The following GALNT3 variants were observed in gnomAD, a reference collection of about 807,000 sequenced individuals.
The protein encoded by GALNT3 is GalNAc transferase 3.
A neutral mutation model predicts 69.8 loss-of-function variants in GALNT3; 51 were observed. The ratio of observed to expected loss-of-function variants is 0.73; its 90% confidence interval spans 0.58 to 0.92. GALNT3 has a LOEUF of 0.92. Ranked by LOEUF, GALNT3 falls within the 40% of genes least tolerant of loss-of-function variation. The probability of loss-of-function intolerance (pLI) is 0.00; values close to 1 mark genes in which losing one functional copy is unlikely to be tolerated. For synonymous variants in GALNT3, 265 were observed against 248.5 expected (o/e 1.07, Z -0.63); for missense variants, 711 against 760.0 (o/e 0.94, Z 0.76).
intron 7 of GALNT3, 110 bp downstream of exon 7, chr2:165,756,937 A>G: frequency 1.2e-6 from 1 of 836,312 alleles, no homozygotes; most frequent in Non-Finnish European, 2.0e-6. Flanking sequence ...AAGAGTTAAA[A>G]ACCTACTTTC....
At chr2:165,781,428 C>T (rs1574015336) in intron 1 of GALNT3, among the ~76,000 whole-genome samples, 3 of 151,580 alleles carry the variant, frequency 2.0e-5, no homozygotes, top group African/African-American at 7.3e-5. Flanking sequence ...AACCCCATCT[C>T]CACAAAAAAA....
chr2:165,759,201 T>C, intron 5 of GALNT3, 135 bp downstream of exon 5: 1 of 767,640 alleles, frequency 1.3e-6, no homozygotes, highest in South Asian at 1.6e-5. Flanking sequence ...GAATGACTTT[T>C]AGATTCTCTT....
chr2:165,782,964 C>T (rs1683143619), intron 1 of GALNT3, among the ~76,000 whole-genome samples: 1 of 152,140 alleles, frequency 6.6e-6, no homozygotes, highest in Admixed American at 6.5e-5. Flanking sequence ...CATTAGCTAC[C>T]ACTAGGCATA....
rs79759431 is a variant in GALNT3, at chr2:165,777,399, C to T, written c.-108-6591G>A. On this transcript the variant is annotated intron_variant, in intron 1 of 10. Coordinates refer to ENST00000392701, the MANE Select transcript of GALNT3 (RefSeq NM_004482.4). ...ATCTTTGCCACACATTATCTATCATCTGTATTTCCTAATTGAATTCAAAAC... is the reference window on the plus strand; with the variant it reads ...ATCTTTGCCACACATTATCTATCATTTGTATTTCCTAATTGAATTCAAAAC... Among the ~76,000 whole-genome samples, 885 of 152,298 alleles carry T rather than the reference C, an allele frequency of 5.8e-3. 6 individuals carry two copies. Among genetic ancestry groups the T allele is most frequent in the African/African-American group, 0.021 (855 of 41,566 alleles).
At chr2:165,767,755 T>A (rs947330992) in intron 2 of GALNT3, among the ~76,000 whole-genome samples, 1 of 152,104 alleles carries the variant, frequency 6.6e-6, no homozygotes, top group Non-Finnish European at 1.5e-5. Flanking sequence ...CACATGACCA[T>A]CTGGCTTTGG....
In GALNT3 at chr2:165,770,777, T is replaced by C. The variant is rs1303265361; in HGVS notation, c.-77A>G. ...TTACTTATATTTTTTATCATAGATTTGCTGAGAAGAAGGTATCTTTAATGG... is the reference window on the plus strand; with the variant it reads ...TTACTTATATTTTTTATCATAGATTCGCTGAGAAGAAGGTATCTTTAATGG... On this transcript the variant is annotated 5_prime_UTR_variant, in exon 2 of 11. Coordinates refer to ENST00000392701, the MANE Select transcript of GALNT3 (RefSeq NM_004482.4). 1.3e-6 allele frequency: 2 copies of C among 1,519,110 alleles called. No homozygotes were observed. Among genetic ancestry groups the C allele is most frequent in the Non-Finnish European group, 1.8e-6 (2 of 1,120,110 alleles). The allele number at this position is 1,519,110 out of a possible 1,614,324, so 94.1% of individuals were successfully genotyped here. A position where few individuals can be genotyped will look rare whatever the true frequency, so the allele number is the denominator to read the frequency against.
At chr2:165,756,261 G>A (rs1423071906) in intron 7 of GALNT3, among the ~76,000 whole-genome samples, 2 of 152,086 alleles carry the variant, frequency 1.3e-5, no homozygotes, top group African/African-American at 4.8e-5. Context: ...ACAAAGAGAT[G>A]AGTACTATAC....
intron 1 of GALNT3, among the ~76,000 whole-genome samples, chr2:165,776,031 G>A (rs756490889): frequency 1.3e-5 from 2 of 152,166 alleles, no homozygotes; most frequent in Admixed American, 6.5e-5. Flanking sequence ...TGATATAAAT[G>A]AGGCACTGAG....
chr2:165,791,262 T>C (rs1683341802), intron 1 of GALNT3, among the ~76,000 whole-genome samples: 3 of 151,692 alleles, frequency 2.0e-5, no homozygotes. Context: ...TGCCTGTGTG[T>C]GTGTGTGTGT....
chr2:165,788,314 C>T (rs1318263803), intron 1 of GALNT3, among the ~76,000 whole-genome samples: 1 of 124,730 alleles, frequency 8.0e-6, no homozygotes, highest in African/African-American at 3.2e-5. Context: ...AAGACATCAC[C>T]TCAAAAAAAA....
intron 1 of GALNT3, among the ~76,000 whole-genome samples, chr2:165,773,200 T>A (rs1026361484): frequency 6.6e-6 from 1 of 152,156 alleles, no homozygotes; most frequent in Admixed American, 6.5e-5. Context: ...CAGGGGCAGA[T>A]GGAGATAATG....
intron 1 of GALNT3, among the ~76,000 whole-genome samples, chr2:165,772,681 C>T (rs1688774805): frequency 6.8e-6 from 1 of 146,440 alleles, no homozygotes; most frequent in Non-Finnish European, 1.5e-5. Flanking sequence ...TGAGCAAAAT[C>T]TTGAAATACA....
chr2:165,785,706 T>C (rs1482499297), intron 1 of GALNT3, among the ~76,000 whole-genome samples: 1 of 152,118 alleles, frequency 6.6e-6, no homozygotes, highest in Admixed American at 6.6e-5. Context: ...TCATAGTATC[T>C]AAGGAACAGA....
chr2:165,753,867 G>A (rs1688396765), intron 9 of GALNT3, among the ~76,000 whole-genome samples: 1 of 152,024 alleles, frequency 6.6e-6, no homozygotes, highest in Non-Finnish European at 1.5e-5. Context: ...TAATATTGTG[G>A]CCCACAAAAT....
intron 3 of GALNT3, among the ~76,000 whole-genome samples, chr2:165,764,248 A>G (rs962252808): frequency 2.6e-5 from 4 of 152,180 alleles, no homozygotes; most frequent in Non-Finnish European, 5.9e-5. Context: ...ACCGAAATAA[A>G]ATAGAACATG....
intron 1 of GALNT3, among the ~76,000 whole-genome samples, chr2:165,776,924 T>C (rs935794113): frequency 1.3e-5 from 2 of 152,150 alleles, no homozygotes; most frequent in Non-Finnish European, 2.9e-5. Flanking sequence ...TAAACACAAA[T>C]TGAGAAGGGA....
intron 9 of GALNT3, 146 bp from the exon 10 acceptor site, chr2:165,750,040 G>C (rs1014084427): frequency 8.8e-6 from 7 of 798,546 alleles, no homozygotes; most frequent in Non-Finnish European, 1.5e-5. Flanking sequence ...AGAAACATAA[G>C]CTGAGTTTTT....
At chr2:165,761,489 G>C (rs1396962320) in intron 4 of GALNT3, among the ~76,000 whole-genome samples, 1 of 152,050 alleles carries the variant, frequency 6.6e-6, no homozygotes, top group African/African-American at 2.4e-5. Context: ...TGGGATTACA[G>C]GAATGAGCCA....
At chr2:165,779,338 A>T (rs976094056) in intron 1 of GALNT3, among the ~76,000 whole-genome samples, 2 of 152,204 alleles carry the variant, frequency 1.3e-5, no homozygotes, top group African/African-American at 4.8e-5. Flanking sequence ...ATTTGGAACT[A>T]AGAGACAGTA....
Sources: gnomAD v4.1 joint callset for allele counts (sites outside exome capture counted in the v4.1 genomes callset) on GRCh38, gnomAD v4.1.1 for gene constraint, MANE v1.5 for transcripts, NCBI Gene and HGNC (gene_info 2026-07-23, HGNC 2026-07-21) for gene names.